Variants in ASAP1 observed in about 807,000 individuals in gnomAD.
The protein encoded by ASAP1 is arf-GAP with SH3 domain, ANK repeat and PH domain-containing protein 1.
A neutral mutation model predicts 145.2 loss-of-function variants in ASAP1; 43 were observed. That is an observed-to-expected ratio of 0.30 (90% CI 0.23 to 0.38). The LOEUF (loss-of-function observed/expected upper bound fraction) is 0.38. Ranked by LOEUF, ASAP1 falls within the 10% of genes least tolerant of loss-of-function variation. The pLI, the probability that ASAP1 is intolerant of heterozygous loss-of-function variation, is 1.00. For synonymous variants in ASAP1, 546 were observed against 515.5 expected, an observed-to-expected ratio of 1.06 and a Z score of -0.80; for missense variants, 1,018 against 1,355.3, an observed-to-expected ratio of 0.75 and a Z score of 3.91.
At chr8:130,266,820 T>G (rs1232957819) in intron 3 of ASAP1, among the ~76,000 whole-genome samples, 1 of 152,010 alleles carries the variant, frequency 6.6e-6, no homozygotes, top group Non-Finnish European at 1.5e-5. Context: ...AAATACACAT[T>G]AAGCAGGTCT....
intron 1 of ASAP1, among the ~76,000 whole-genome samples, chr8:130,405,636 C>G (rs1322314752): frequency 6.6e-6 from 1 of 152,202 alleles, no homozygotes; most frequent in African/African-American, 2.4e-5. Context: ...TGGCCTACGT[C>G]ACTAGACCAT....
rs191178076 is a variant in ASAP1, at chr8:130,260,079, G to A, written c.187-23085C>T. ...GTTCATTTATACATTGTCCAGTTAT[G>A]GGAAAAAACCCATTAAGAATCTATG... On this transcript the variant is annotated intron_variant, in intron 3 of 29. Coordinates refer to ENST00000518721, the MANE Select transcript of ASAP1 (RefSeq NM_018482.4). 9.7e-4 allele frequency among the ~76,000 whole-genome samples: 147 copies of A among 152,196 alleles called. 2 individuals are homozygous for A. Among genetic ancestry groups the A allele is most frequent in the African/African-American group, 3.3e-3 (137 of 41,530 alleles).
intron 4 of ASAP1, 84 bp downstream of exon 4, chr8:130,236,837 TA>T: frequency 9.7e-7 from 1 of 1,032,436 alleles, no homozygotes; most frequent in Non-Finnish European, 1.4e-6. Flanking sequence ...AAGTTTCCTA[TA>T]AACTTAACAT....
chr8:130,115,594 T>C, intron 23 of ASAP1, 34 bp downstream of exon 23: 1 of 1,507,280 alleles, frequency 6.6e-7, no homozygotes, highest in Non-Finnish European at 9.2e-7. Flanking sequence ...GTTGGGGTAG[T>C]TGTTGAGAAT....
chr8:130,369,738 G>A (rs990455671), intron 2 of ASAP1, among the ~76,000 whole-genome samples: 10 of 152,198 alleles, frequency 6.6e-5, no homozygotes, highest in Admixed American at 6.5e-5. Flanking sequence ...TGTCAAGGAT[G>A]TGAAGAAACT....
chr8:130,351,716 T>C (rs990469262), intron 3 of ASAP1, among the ~76,000 whole-genome samples: 1 of 152,256 alleles, frequency 6.6e-6, no homozygotes, highest in Non-Finnish European at 1.5e-5. Context: ...AAGAACTCAC[T>C]TATCACCAAG....
At chr8:130,357,848 G>A (rs1320185566) in intron 3 of ASAP1, among the ~76,000 whole-genome samples, 169 bp downstream of exon 3, 4 of 152,220 alleles carry the variant, frequency 2.6e-5, no homozygotes, top group Admixed American at 6.5e-5. Context: ...AGGGCGAGGA[G>A]ATGGGGAAGG....
At chr8:130,149,517 G>A (rs1400306741) in intron 13 of ASAP1, among the ~76,000 whole-genome samples, 1 of 152,032 alleles carries the variant, frequency 6.6e-6, no homozygotes, top group Non-Finnish European at 1.5e-5. Flanking sequence ...TGCTTGGGTG[G>A]CCAAGCCAAC....
intron 3 of ASAP1, among the ~76,000 whole-genome samples, chr8:130,275,753 A>G (rs1311976965): frequency 6.6e-6 from 1 of 152,216 alleles, no homozygotes; most frequent in Non-Finnish European, 1.5e-5. Flanking sequence ...AAACATAAAA[A>G]TGCTTTTAAA....
chr8:130,115,222 A>G (rs148418858), intron 23 of ASAP1, among the ~76,000 whole-genome samples: 10 of 152,316 alleles, frequency 6.6e-5, no homozygotes, highest in African/African-American at 2.4e-4. Context: ...TGCCTCACCT[A>G]ATCAGCCAAA....
chr8:130,272,487 T>C (rs975503329), intron 3 of ASAP1, among the ~76,000 whole-genome samples: 2 of 152,148 alleles, frequency 1.3e-5, no homozygotes, highest in Non-Finnish European at 2.9e-5. Context: ...AATTCCACTA[T>C]CCCACTACTG....
At chr8:130,081,568 G>T (rs934682528) in intron 25 of ASAP1, among the ~76,000 whole-genome samples, 1 of 135,134 alleles carries the variant, frequency 7.4e-6, no homozygotes, top group Non-Finnish European at 1.6e-5. Context: ...CACCAGGAGG[G>T]CAGATGAAGA....
chr8:130,069,655 C>T (rs892797398), intron 27 of ASAP1: 1 of 152,214 alleles, frequency 6.6e-6, no homozygotes, highest in African/African-American at 2.4e-5. Context: ...GTGAGCACAA[C>T]AAAGATCTTA....
At chr8:130,390,262 C>T (rs777770627) in intron 2 of ASAP1, among the ~76,000 whole-genome samples, 13 of 152,192 alleles carry the variant, frequency 8.5e-5, no homozygotes, top group Non-Finnish European at 1.8e-4. Context: ...ATAAGTTTCT[C>T]AGTTGTACGA....
At chr8:130,103,282 T>G (rs2097531802) in intron 24 of ASAP1, among the ~76,000 whole-genome samples, 1 of 152,128 alleles carries the variant, frequency 6.6e-6, no homozygotes, top group South Asian at 2.1e-4. Flanking sequence ...TCTTATTTAT[T>G]TGGGTCTTCT....
chr8:130,137,081 T>C (rs764901962), intron 13 of ASAP1, 43 bp from the exon 14 acceptor site: 4 of 1,531,382 alleles, frequency 2.6e-6, no homozygotes, highest in Admixed American at 3.3e-5. Context: ...GCAGCTCCAC[T>C]CTCTTGTCTG....
intron 2 of ASAP1, among the ~76,000 whole-genome samples, chr8:130,401,274 C>T (rs1426777550): frequency 6.7e-6 from 1 of 150,098 alleles, no homozygotes; most frequent in Non-Finnish European, 1.5e-5. Flanking sequence ...GAGAAGGAGT[C>T]TCACTCTGTT....
chr8:130,115,824 C>G (rs1247472556), intron 22 of ASAP1, 89 bp from the exon 23 acceptor site: 2 of 963,408 alleles, frequency 2.1e-6, no homozygotes, highest in Non-Finnish European at 1.7e-6. Context: ...CCACCTTATT[C>G]CTAGTTTTCA....
chr8:130,253,804 T>C (rs1819349316), intron 3 of ASAP1, among the ~76,000 whole-genome samples: 1 of 152,098 alleles, frequency 6.6e-6, no homozygotes, highest in Admixed American at 6.6e-5. Flanking sequence ...ATATTTCTGG[T>C]AAAAAATTAT....
Sources: allele counts gnomAD v4.1 joint callset (sites outside exome capture counted in the v4.1 genomes callset), GRCh38; gene constraint gnomAD v4.1.1; transcripts MANE v1.5; gene names NCBI Gene and HGNC (gene_info 2026-07-23, HGNC 2026-07-21).